Variants in OPRM1 observed in about 807,000 individuals in gnomAD.
OPRM1 encodes the protein mu-type opioid receptor.
OPRM1 carries 27 observed loss-of-function variants against 31.8 expected under a neutral mutation model. That is an observed-to-expected ratio of 0.85 (90% CI 0.63 to 1.17). The LOEUF (loss-of-function observed/expected upper bound fraction) is 1.17. Ranked by LOEUF, OPRM1 falls within the 50% of genes most tolerant of loss-of-function variation. OPRM1 has a pLI of 0.00. For missense variants in OPRM1, 536 were observed against 511.1 expected (o/e 1.05, Z -0.47); for synonymous variants, 196 against 189.9 (o/e 1.03, Z -0.26).
chr6:154,145,770 C>A (rs1453944806), intron 3 of OPRM1, among the ~76,000 whole-genome samples: 1 of 152,196 alleles, frequency 6.6e-6, no homozygotes, highest in African/African-American at 2.4e-5. Flanking sequence ...GCGGTATTGA[C>A]AGAGGGATAG....
intron 1 of OPRM1, among the ~76,000 whole-genome samples, chr6:154,026,787 C>A (rs1242145108): frequency 1.3e-5 from 2 of 152,006 alleles, no homozygotes. Flanking sequence ...TCTATAATTT[C>A]TGTTTTATTA....
chr6:154,224,565 G>A (rs980900023), intron 3 of OPRM1, among the ~76,000 whole-genome samples: 2 of 152,044 alleles, frequency 1.3e-5, no homozygotes, highest in African/African-American at 2.4e-5. Flanking sequence ...AAAAATATTA[G>A]CTGGTCATGG....
upstream of OPRM1, among the ~76,000 whole-genome samples, chr6:154,038,461 C>G (rs1779452958): frequency 6.6e-6 from 1 of 152,182 alleles, no homozygotes; most frequent in Non-Finnish European, 1.5e-5. Context: ...GTAGGCCACT[C>G]TAATTCCATA....
rs981713220 is a variant in OPRM1 at position 154,132,044 on chromosome 6, A to G, written c.*13323A>G. Among the ~76,000 whole-genome samples the G allele has an allele frequency of 6.6e-6, 1 of 151,392 alleles. No individual in the cohort carries two copies. Among genetic ancestry groups the G allele is most frequent in the Non-Finnish European group, 1.5e-5 (1 of 67,968 alleles). On this transcript the variant is annotated 3_prime_UTR_variant, in exon 4 of 4. Transcript: ENST00000330432. ...CATTTAAAGTAGAGACAAAGCTACT[A>G]TTTCACATTTCCAGGTAGGACAGGA...
chr6:154,162,260 G>A (rs73789356), intron 3 of OPRM1, among the ~76,000 whole-genome samples: 184 of 152,230 alleles, frequency 1.2e-3, no homozygotes, highest in African/African-American at 4.3e-3. Flanking sequence ...AGTCTCACTG[G>A]TACACATGTT....
rs1012494646 is a variant in OPRM1, at chr6:154,130,592, C to T, written c.*11871C>T. ...CTATATGAATATTTGCCTATAAATC[C>T]CCATCAATTTAATAGGAATTAAGTT... On this transcript the variant is annotated 3_prime_UTR_variant, in exon 4 of 4. Transcript: ENST00000330432. 6.6e-6 allele frequency among the ~76,000 whole-genome samples: 1 copy of T among 151,722 alleles called. No individual in the cohort carries two copies. The highest frequency in any genetic ancestry group is 1.5e-5 in the Non-Finnish European group (1 of 67,982).
upstream of OPRM1, among the ~76,000 whole-genome samples, chr6:154,038,565 T>C (rs1350188233): frequency 6.6e-6 from 1 of 152,188 alleles, no homozygotes. Context: ...GAAGCATATG[T>C]CTATCGAGGA....
At chr6:154,099,525 AAG>A (rs1794122716) in intron 3 of OPRM1, among the ~76,000 whole-genome samples, 1 of 151,116 alleles carries the variant, frequency 6.6e-6, no homozygotes, top group African/African-American at 2.4e-5. Flanking sequence ...GAATGAGAGA[AAG>A]AGGAAAGAGA....
At chr6:154,140,333 T>TTTTA (rs1491478148) in intron 3 of OPRM1, among the ~76,000 whole-genome samples, 1 of 85,536 alleles carries the variant, frequency 1.2e-5, no homozygotes, top group African/African-American at 3.5e-5. Context: ...TGTTATTTTA[T>TTTTA]TTTTTTTTTT....
intron 3 of OPRM1, among the ~76,000 whole-genome samples, chr6:154,220,550 G>A (rs997291613): frequency 6.6e-6 from 1 of 152,148 alleles, no homozygotes; most frequent in African/African-American, 2.4e-5. Flanking sequence ...GCTGATGCAG[G>A]AGAATCATTC....
At chr6:154,117,858 G>GGTGTGTGTGTGTGT (rs60794328) in intron 3 of OPRM1, among the ~76,000 whole-genome samples, 4,918 of 145,590 alleles carry the variant, frequency 0.034, 115 homozygotes, top group South Asian at 0.05. Context: ...TTAAAAAGAT[G>GGTGTGTGTGTGTGT]GTGTGTGTGT....
intron 1 of OPRM1, among the ~76,000 whole-genome samples, chr6:154,027,034 T>C (rs1778736404): frequency 6.6e-6 from 1 of 152,220 alleles, no homozygotes; most frequent in Non-Finnish European, 1.5e-5. Flanking sequence ...TGTTTGAGCA[T>C]TGAAGAGTTA....
chr6:154,163,497 T>A (rs1189769920), intron 3 of OPRM1, among the ~76,000 whole-genome samples: 1 of 152,190 alleles, frequency 6.6e-6, no homozygotes, highest in Admixed American at 6.5e-5. Context: ...TATCATCACT[T>A]ATCATATTAT....
At chr6:154,084,420 C>CGG (rs1432595875) in intron 1 of OPRM1, among the ~76,000 whole-genome samples, 159 of 150,602 alleles carry the variant, frequency 1.1e-3, no homozygotes, top group African/African-American at 3.7e-3. Flanking sequence ...AACAGACAGA[C>CGG]AGACACACAC....
In OPRM1 at chr6:154,213,046, G is replaced by C. The variant is rs184346015; in HGVS notation, c.1165-33647G>C. ...AGAGGCAGAAACAAATGGCCAATTC[G>C]GGGCTCCTGACCTCAAAGAGCATCC... On this transcript the variant is annotated intron_variant, in intron 3 of 3. Coordinates refer to the OPRM1 transcript ENST00000337049. The C allele has an allele frequency of 2.1e-5, 12 of 566,394 alleles. No individual in the cohort carries two copies. The Admixed American group carries it at 2.9e-4, about 14-fold the overall frequency. The allele number at this position is 566,394 out of a possible 1,614,324, so 35.1% of individuals were successfully genotyped here.
chr6:154,138,122 T>G (rs1798104827), intron 3 of OPRM1, among the ~76,000 whole-genome samples: 2 of 152,188 alleles, frequency 1.3e-5, no homozygotes, highest in Non-Finnish European at 2.9e-5. Context: ...ACTGACCAGG[T>G]GTAACTCCTT....
At chr6:154,203,131 C>T (rs974105244) in intron 3 of OPRM1, among the ~76,000 whole-genome samples, 1 of 152,168 alleles carries the variant, frequency 6.6e-6, no homozygotes, top group Non-Finnish European at 1.5e-5. Flanking sequence ...TAGCTCACTG[C>T]CTTCTGTGAA....
intron 1 of OPRM1, among the ~76,000 whole-genome samples, chr6:154,061,654 C>T (rs923251540): frequency 6.6e-6 from 1 of 151,926 alleles, no homozygotes; most frequent in Non-Finnish European, 1.5e-5. Flanking sequence ...GCAACAGACA[C>T]CGGGGCTTAC....
intron 3 of OPRM1, among the ~76,000 whole-genome samples, chr6:154,194,321 C>T (rs146907391): frequency 2.8e-3 from 433 of 152,296 alleles, no homozygotes; most frequent in African/African-American, 0.01. Flanking sequence ...ATCACTTGAA[C>T]GCAGGAGGCA....
Sources: gnomAD v4.1 joint callset for allele counts (sites outside exome capture counted in the v4.1 genomes callset) on GRCh38, gnomAD v4.1.1 for gene constraint, MANE v1.5 for transcripts, NCBI Gene and HGNC (gene_info 2026-07-23, HGNC 2026-07-21) for gene names.